The following NCKAP5 variants were observed in gnomAD, a reference collection of about 807,000 sequenced individuals.
The protein encoded by NCKAP5 is nck-associated protein 5.
A neutral mutation model predicts 167.0 loss-of-function variants in NCKAP5; 92 were observed. The ratio of observed to expected loss-of-function variants is 0.55; its 90% CI spans 0.47 to 0.66. The LOEUF is 0.66. NCKAP5 is among the 30% of genes least tolerant of loss of function. The pLI is 0.00. For missense variants in NCKAP5, 2,378 were observed against 2,315.0 expected (o/e 1.03, Z -0.56); for synonymous variants, 891 against 877.4 (o/e 1.02, Z -0.27).
At chr2:132,702,811 C>T (rs950151681) in intron 19 of NCKAP5, among the ~76,000 whole-genome samples, 8 of 152,118 alleles carry the variant, frequency 5.3e-5, no homozygotes, top group African/African-American at 1.2e-4. Context: ...CCAGGAACCT[C>T]GGGGTAGGAA....
At chr2:132,984,086 C>A (rs1290084538) in intron 7 of NCKAP5, among the ~76,000 whole-genome samples, 1 of 152,172 alleles carries the variant, frequency 6.6e-6, no homozygotes, top group Non-Finnish European at 1.5e-5. Flanking sequence ...GTGAGACTCT[C>A]TCTCTCTCTA....
chr2:133,407,373 G>T (rs1688502403), intron 3 of NCKAP5, among the ~76,000 whole-genome samples: 1 of 152,188 alleles, frequency 6.6e-6, no homozygotes, highest in South Asian at 2.1e-4. Context: ...ATTTTGAGTT[G>T]TTTCCAGTCC....
chr2:132,851,849 G>A (rs1277974400), intron 11 of NCKAP5, among the ~76,000 whole-genome samples: 3 of 152,272 alleles, frequency 2.0e-5, no homozygotes, highest in Non-Finnish European at 4.4e-5. Context: ...GTGCACCCTC[G>A]TGGTAAGAGA....
At chr2:133,001,597 T>C (rs934314579) in intron 6 of NCKAP5, among the ~76,000 whole-genome samples, 2 of 152,200 alleles carry the variant, frequency 1.3e-5, no homozygotes, top group African/African-American at 2.4e-5. Flanking sequence ...CTCCCAGTAA[T>C]AGTAGAGCTG....
chr2:133,231,785 C>T (rs2087160873), intron 4 of NCKAP5, among the ~76,000 whole-genome samples: 1 of 152,110 alleles, frequency 6.6e-6, no homozygotes, highest in African/African-American at 2.4e-5. Flanking sequence ...CTCATGATCT[C>T]TAAATTTGCT....
chr2:133,232,701 G>A (rs2087208562), intron 4 of NCKAP5, among the ~76,000 whole-genome samples: 1 of 152,146 alleles, frequency 6.6e-6, no homozygotes, highest in South Asian at 2.1e-4. Flanking sequence ...AGTTTTAAGA[G>A]AATATGAGCA....
At chr2:133,187,673 T>C (rs2085007155) in intron 5 of NCKAP5, among the ~76,000 whole-genome samples, 1 of 152,108 alleles carries the variant, frequency 6.6e-6, no homozygotes, top group African/African-American at 2.4e-5. Context: ...CTTAAAGATG[T>C]CAATTTTCCC....
At chr2:132,949,049 G>GAAAAGA (rs112801568) in intron 8 of NCKAP5, among the ~76,000 whole-genome samples, 6 of 131,854 alleles carry the variant, frequency 4.6e-5, no homozygotes, top group Admixed American at 2.2e-4. Context: ...GAAAAGAAAA[G>GAAAAGA]AAACATGGTG....
intron 8 of NCKAP5, among the ~76,000 whole-genome samples, chr2:132,919,367 C>A (rs1266847078): frequency 6.6e-6 from 1 of 152,122 alleles, no homozygotes. Flanking sequence ...GAGGCCCTGG[C>A]AGAGACTGTG....
chr2:133,032,362 T>C (rs1573807702), intron 6 of NCKAP5, among the ~76,000 whole-genome samples: 1 of 152,074 alleles, frequency 6.6e-6, no homozygotes, highest in Non-Finnish European at 1.5e-5. Flanking sequence ...TGGGTATGGG[T>C]GAGGCTCCTA....
At chr2:133,216,082 TAAG>T (rs1249722963) in intron 4 of NCKAP5, among the ~76,000 whole-genome samples, 1 of 152,070 alleles carries the variant, frequency 6.6e-6, no homozygotes, top group East Asian at 1.9e-4. Context: ...AAAACACTGC[TAAG>T]AAGGATTAAA....
chr2:133,600,742 T>G, the NCKAP5 span, among the ~76,000 whole-genome samples: 1 of 152,020 alleles, frequency 6.6e-6, no homozygotes, highest in Non-Finnish European at 1.5e-5. Flanking sequence ...GGCAGTCACA[T>G]TCACAGGCCC....
At chr2:133,092,992 C>A (rs1439145315) in intron 6 of NCKAP5, among the ~76,000 whole-genome samples, 1 of 152,182 alleles carries the variant, frequency 6.6e-6, no homozygotes, top group East Asian at 1.9e-4. Flanking sequence ...GCAGTTCCTG[C>A]CTCTTTCTAG....
chr2:133,628,768 T>C, the NCKAP5 span, among the ~76,000 whole-genome samples: 4 of 152,056 alleles, frequency 2.6e-5, no homozygotes, highest in African/African-American at 4.8e-5. Flanking sequence ...AAAACATCAT[T>C]GTGCTGGTAC....
chr2:133,241,552 A>G (rs1223511592), intron 4 of NCKAP5, among the ~76,000 whole-genome samples: 1 of 152,206 alleles, frequency 6.6e-6, no homozygotes, highest in Non-Finnish European at 1.5e-5. Context: ...TGTGGTTCCA[A>G]CTGAACTTCC....
chr2:132,698,636 T>C (rs1023319523), intron 19 of NCKAP5, among the ~76,000 whole-genome samples: 10 of 151,988 alleles, frequency 6.6e-5, no homozygotes, highest in Non-Finnish European at 1.3e-4. Flanking sequence ...AGATCAAGAC[T>C]ATCCTGGCTA....
the NCKAP5 span, among the ~76,000 whole-genome samples, chr2:133,663,862 A>G: frequency 6.6e-6 from 1 of 152,140 alleles, no homozygotes; most frequent in South Asian, 2.1e-4. Flanking sequence ...TCCTCCCACG[A>G]ATCACAAAAG....
At chr2:133,580,826 T>C in the NCKAP5 span, among the ~76,000 whole-genome samples, 1 of 152,210 alleles carries the variant, frequency 6.6e-6, no homozygotes, top group Non-Finnish European at 1.5e-5. Flanking sequence ...CATTATTTTG[T>C]AAGATTATGT....
At chr2:133,516,644 A>G (rs1684026473) in intron 3 of NCKAP5, among the ~76,000 whole-genome samples, 1 of 152,234 alleles carries the variant, frequency 6.6e-6, no homozygotes, top group African/African-American at 2.4e-5. Context: ...ACCAACAAAT[A>G]GTTCATTGAA....
Sources: allele counts gnomAD v4.1 joint callset (sites outside exome capture counted in the v4.1 genomes callset), GRCh38; gene constraint gnomAD v4.1.1; transcripts MANE v1.5; gene names NCBI Gene and HGNC (gene_info 2026-07-23, HGNC 2026-07-21).